HPSE2: variants seen among roughly 807,000 people sequenced by gnomAD.
The protein encoded by HPSE2 is heparanase 2 (inactive).
Under a neutral mutation model 60.5 loss-of-function variants are expected in HPSE2, and 38 were observed. The ratio of observed to expected loss-of-function variants is 0.63; its 90% CI spans 0.48 to 0.82. The LOEUF (loss-of-function observed/expected upper bound fraction) is 0.82. Ranked by LOEUF, HPSE2 falls within the 40% of genes least tolerant of loss-of-function variation. HPSE2 has a pLI of 0.00. For missense variants in HPSE2, 713 were observed against 740.4 expected (o/e 0.96, Z 0.43); for synonymous variants, 295 against 293.2 (o/e 1.01, Z -0.06).
chr10:98,811,767 T>A (rs879929406), intron 3 of HPSE2, among the ~76,000 whole-genome samples: 2 of 152,120 alleles, frequency 1.3e-5, no homozygotes, highest in Non-Finnish European at 2.9e-5. Flanking sequence ...ACTCTAAAGA[T>A]CAGACTGACA....
At chr10:98,913,940 G>T (rs564776630) in intron 3 of HPSE2, among the ~76,000 whole-genome samples, 1 of 152,080 alleles carries the variant, frequency 6.6e-6, no homozygotes, top group Non-Finnish European at 1.5e-5. Context: ...GCACTCATAC[G>T]CTTTTTCTCT....
intron 10 of HPSE2, among the ~76,000 whole-genome samples, chr10:98,486,189 C>T (rs1941433771): frequency 1.3e-5 from 2 of 152,166 alleles, no homozygotes; most frequent in South Asian, 4.1e-4. Context: ...ACATTCTTGG[C>T]TGGCGAGTGC....
intron 3 of HPSE2, among the ~76,000 whole-genome samples, chr10:99,054,300 T>C (rs1456472008): frequency 1.3e-5 from 2 of 152,122 alleles, no homozygotes; most frequent in African/African-American, 4.8e-5. Context: ...AAAGCAATGT[T>C]AGAGTAAAAG....
At chr10:98,848,631 C>G (rs534593866) in intron 3 of HPSE2, among the ~76,000 whole-genome samples, 6 of 152,234 alleles carry the variant, frequency 3.9e-5, no homozygotes, top group South Asian at 2.1e-4. Context: ...TTCCTTACTG[C>G]TCTATTCCTT....
chr10:98,986,869 A>G (rs1335887871), intron 3 of HPSE2, among the ~76,000 whole-genome samples: 1 of 152,206 alleles, frequency 6.6e-6, no homozygotes, highest in Non-Finnish European at 1.5e-5. Flanking sequence ...AAACACCTCT[A>G]CGGAAATAAA....
intron 3 of HPSE2, chr10:99,013,048 T>C (rs1203535140): frequency 4.1e-6 from 2 of 490,256 alleles, no homozygotes; most frequent in East Asian, 9.4e-5. Flanking sequence ...AGCTTTCAGG[T>C]AAAGTTTAGC....
intron 2 of HPSE2, among the ~76,000 whole-genome samples, chr10:99,165,370 G>A (rs1358728028): frequency 6.6e-6 from 1 of 151,970 alleles, no homozygotes; most frequent in Admixed American, 6.6e-5. Flanking sequence ...GTATGATTGT[G>A]CCATTCATCA....
intron 3 of HPSE2, among the ~76,000 whole-genome samples, chr10:98,908,844 C>T (rs1953900981): frequency 6.6e-6 from 1 of 152,020 alleles, no homozygotes; most frequent in African/African-American, 2.4e-5. Flanking sequence ...GCTTAAAAAA[C>T]AATGCTATTT....
intron 9 of HPSE2, among the ~76,000 whole-genome samples, chr10:98,499,816 G>A (rs1941970665): frequency 6.6e-6 from 1 of 152,106 alleles, no homozygotes; most frequent in South Asian, 2.1e-4. Flanking sequence ...TAAAGTAAAG[G>A]GGTGGAAAAA....
intron 3 of HPSE2, among the ~76,000 whole-genome samples, chr10:99,012,149 T>C (rs572990718): frequency 6.6e-6 from 1 of 152,192 alleles, no homozygotes; most frequent in East Asian, 1.9e-4. Context: ...TGAGTAGACA[T>C]GTTTCACACA....
chr10:99,114,806 C>T (rs911316220), intron 3 of HPSE2, among the ~76,000 whole-genome samples: 9 of 147,620 alleles, frequency 6.1e-5, no homozygotes, highest in African/African-American at 2.0e-4. Flanking sequence ...ACCAGCTACT[C>T]GGGAGGCTGA....
At chr10:99,157,019 A>G (rs1846597082) in intron 2 of HPSE2, among the ~76,000 whole-genome samples, 1 of 125,058 alleles carries the variant, frequency 8.0e-6, no homozygotes. Context: ...AAAGAGAATA[A>G]AATACCTAGG....
intron 6 of HPSE2, among the ~76,000 whole-genome samples, chr10:98,662,128 C>T (rs1000364196): frequency 1.3e-5 from 2 of 152,156 alleles, no homozygotes; most frequent in Non-Finnish European, 2.9e-5. Flanking sequence ...CTCCTGACCT[C>T]ATGATCTGCC....
intron 10 of HPSE2, among the ~76,000 whole-genome samples, chr10:98,485,528 A>G (rs1436032758): frequency 6.6e-6 from 1 of 150,788 alleles, no homozygotes; most frequent in African/African-American, 2.4e-5. Flanking sequence ...AGAGAATGCC[A>G]GTTGATTTAA....
intron 3 of HPSE2, among the ~76,000 whole-genome samples, chr10:98,921,507 T>A (rs963979583): frequency 3.0e-4 from 46 of 152,298 alleles, no homozygotes; most frequent in African/African-American, 1.1e-3. Context: ...ACCAGAAGAT[T>A]ACGATGGTCA....
chr10:98,750,927 G>C (rs1322576944), intron 3 of HPSE2, among the ~76,000 whole-genome samples: 1 of 152,126 alleles, frequency 6.6e-6, no homozygotes, highest in Non-Finnish European at 1.5e-5. Flanking sequence ...GGGAGAGATA[G>C]AGAACCTTTT....
intron 2 of HPSE2, among the ~76,000 whole-genome samples, chr10:99,175,220 T>G (rs1160332589): frequency 6.6e-6 from 1 of 151,178 alleles, no homozygotes; most frequent in African/African-American, 2.4e-5. Context: ...GCTGCAGGAG[T>G]TTTTTTGTTT....
intron 2 of HPSE2, among the ~76,000 whole-genome samples, chr10:99,184,747 C>T (rs895978232): frequency 7.9e-6 from 1 of 127,308 alleles, no homozygotes; most frequent in African/African-American, 3.0e-5. Context: ...GAAGAAAAGA[C>T]CAATGGAGTT....
chr10:99,071,053 A>G (rs529590340), intron 3 of HPSE2, among the ~76,000 whole-genome samples: 1 of 147,836 alleles, frequency 6.8e-6, no homozygotes, highest in Non-Finnish European at 1.5e-5. Flanking sequence ...ATAATATGGT[A>G]TTTCTATTTT....
Sources: allele counts gnomAD v4.1 joint callset (sites outside exome capture counted in the v4.1 genomes callset), GRCh38; gene constraint gnomAD v4.1.1; transcripts MANE v1.5; gene names NCBI Gene and HGNC (gene_info 2026-07-23, HGNC 2026-07-21).